Variants in ADGRB3 observed in about 807,000 individuals in gnomAD.
The protein encoded by ADGRB3 is adhesion G protein-coupled receptor B3.
A neutral mutation model predicts 193.4 loss-of-function variants in ADGRB3; 37 were observed. The ratio of observed to expected loss-of-function variants is 0.19; its 90% CI spans 0.15 to 0.25. ADGRB3 has a LOEUF of 0.25. Among genes scored for constraint, ADGRB3 ranks in the 10% least tolerant of loss-of-function variants. ADGRB3 has a pLI of 1.00. For missense variants in ADGRB3, 1,637 were observed against 1,852.9 expected (o/e 0.88, Z 2.14); for synonymous variants, 690 against 644.2 (o/e 1.07, Z -1.08).
At chr6:69,282,877 G>A (rs1367436057) in intron 20 of ADGRB3, among the ~76,000 whole-genome samples, 1 of 152,178 alleles carries the variant, frequency 6.6e-6, no homozygotes, top group Non-Finnish European at 1.5e-5. Flanking sequence ...TACAAAGCTT[G>A]ATAAGATACC....
At chr6:68,818,474 G>T (rs1441479250) in intron 3 of ADGRB3, among the ~76,000 whole-genome samples, 1 of 151,970 alleles carries the variant, frequency 6.6e-6, no homozygotes, top group East Asian at 1.9e-4. Context: ...GTTGAAGAAT[G>T]AAACAGCTTG....
chr6:68,955,358 C>T (rs1191735038), intron 6 of ADGRB3, among the ~76,000 whole-genome samples: 2 of 152,158 alleles, frequency 1.3e-5, no homozygotes, highest in Non-Finnish European at 2.9e-5. Flanking sequence ...TCTAGGGGTT[C>T]TTTCTCTAAA....
chr6:68,677,289 A>G (rs776809748), intron 3 of ADGRB3, among the ~76,000 whole-genome samples: 5 of 152,150 alleles, frequency 3.3e-5, no homozygotes, highest in Non-Finnish European at 5.9e-5. Context: ...TCCTCAGTGC[A>G]TTTATACTGG....
chr6:68,966,608 C>A (rs1335182375), intron 8 of ADGRB3, among the ~76,000 whole-genome samples: 1 of 152,144 alleles, frequency 6.6e-6, no homozygotes, highest in Non-Finnish European at 1.5e-5. Flanking sequence ...ACCTGGACAT[C>A]CCTCTGGAAA....
intron 11 of ADGRB3, among the ~76,000 whole-genome samples, chr6:68,998,239 C>G (rs1039472171): frequency 1.3e-4 from 20 of 152,270 alleles, no homozygotes; most frequent in Non-Finnish European, 1.3e-4. Context: ...TGAGCCACTG[C>G]AGTTTAAGTT....
chr6:69,102,998 A>G (rs1191066249), intron 17 of ADGRB3, among the ~76,000 whole-genome samples: 1 of 152,150 alleles, frequency 6.6e-6, no homozygotes, highest in African/African-American at 2.4e-5. Context: ...TTTGTTTTGT[A>G]TATTCCTTCT....
intron 30 of ADGRB3, among the ~76,000 whole-genome samples, chr6:69,377,338 G>A (rs1769850004): frequency 1.3e-5 from 2 of 151,966 alleles, no homozygotes; most frequent in South Asian, 2.1e-4. Context: ...CCTCCTGTCA[G>A]TGGCCCCTTA....
chr6:69,316,638 T>C (rs764110897), intron 20 of ADGRB3, among the ~76,000 whole-genome samples: 24 of 151,526 alleles, frequency 1.6e-4, no homozygotes, highest in Admixed American at 4.0e-4. Context: ...CCAAAGTTTT[T>C]GTGGCCTGCT....
intron 3 of ADGRB3, among the ~76,000 whole-genome samples, chr6:68,693,613 G>T (rs2127303790): frequency 6.6e-6 from 1 of 152,126 alleles, no homozygotes; most frequent in East Asian, 1.9e-4. Flanking sequence ...CTACTCATTT[G>T]TGGGTTCAGT....
At chr6:69,178,589 A>G (rs1345346064) in intron 17 of ADGRB3, among the ~76,000 whole-genome samples, 1 of 152,206 alleles carries the variant, frequency 6.6e-6, no homozygotes, top group Non-Finnish European at 1.5e-5. Flanking sequence ...AGCAGGTATC[A>G]TTCTTTCATT....
chr6:68,801,619 G>T (rs1212218055), intron 3 of ADGRB3, among the ~76,000 whole-genome samples: 1 of 152,098 alleles, frequency 6.6e-6, no homozygotes, highest in African/African-American at 2.4e-5. Context: ...AACGCGGGAG[G>T]CAGAGGTTAC....
At chr6:69,325,152 A>G (rs1768540724) in intron 21 of ADGRB3, 130 bp downstream of exon 21, 1 of 1,234,422 alleles carries the variant, frequency 8.1e-7, no homozygotes, top group African/African-American at 1.5e-5. Context: ...AAAATACATG[A>G]GCTGGTCAGT....
chr6:68,866,717 G>A (rs1360073591), intron 3 of ADGRB3, among the ~76,000 whole-genome samples: 1 of 152,218 alleles, frequency 6.6e-6, no homozygotes, highest in East Asian at 1.9e-4. Flanking sequence ...GATAGTCTCA[G>A]ATGGAGATTA....
At chr6:69,288,336 TG>T (rs1476721139) in intron 20 of ADGRB3, among the ~76,000 whole-genome samples, 1 of 152,190 alleles carries the variant, frequency 6.6e-6, no homozygotes, top group African/African-American at 2.4e-5. Context: ...CTGAGAATGA[TG>T]GTTTCCAGCT....
rs369803808 is a variant in ADGRB3, at chr6:69,350,359, A to G, written c.3460-3874A>G. Among the ~76,000 whole-genome samples, 41 of 151,574 alleles carry G rather than the reference A, an allele frequency of 2.7e-4. No homozygotes were observed. In the East Asian group the frequency reaches 3.9e-3, roughly 14 times the overall value. On this transcript the variant is annotated intron_variant, in intron 26 of 31. Coordinates refer to ENST00000370598, the MANE Select transcript of ADGRB3 (RefSeq NM_001704.3). ...GCCTTAAAGTCTCCTAAATATCCCAATATTAGTTACATATCTGTTCCTTGC... is the reference window on the plus strand; with the variant it reads ...GCCTTAAAGTCTCCTAAATATCCCAGTATTAGTTACATATCTGTTCCTTGC...
intron 3 of ADGRB3, among the ~76,000 whole-genome samples, chr6:68,927,684 A>G (rs1022994508): frequency 4.6e-5 from 7 of 152,152 alleles, no homozygotes; most frequent in African/African-American, 1.7e-4. Flanking sequence ...TTCAATTACA[A>G]ATTTGAATTA....
intron 13 of ADGRB3, among the ~76,000 whole-genome samples, chr6:69,040,105 TGAG>T (rs576519241): frequency 2.6e-5 from 4 of 152,294 alleles, no homozygotes; most frequent in Admixed American, 2.6e-4. Context: ...GGTGCCAGTC[TGAG>T]GTTAGACAGA....
intron 13 of ADGRB3, among the ~76,000 whole-genome samples, chr6:69,046,891 T>C (rs1273379352): frequency 2.6e-5 from 4 of 152,214 alleles, no homozygotes; most frequent in African/African-American, 9.7e-5. Flanking sequence ...GCAGTCTTGC[T>C]CTGTTGCCCA....
chr6:69,055,807 G>GTT (rs146027329), intron 15 of ADGRB3, among the ~76,000 whole-genome samples: 16 of 150,172 alleles, frequency 1.1e-4, no homozygotes, highest in Admixed American at 3.3e-4. Flanking sequence ...TTTTGTTTTT[G>GTT]TTTTTTTTTG....
Sources: gnomAD v4.1 joint callset for allele counts (sites outside exome capture counted in the v4.1 genomes callset) on GRCh38, gnomAD v4.1.1 for gene constraint, MANE v1.5 for transcripts, NCBI Gene and HGNC (gene_info 2026-07-23, HGNC 2026-07-21) for gene names.